CELSR2: variants seen among roughly 807,000 people sequenced by gnomAD.
CELSR2 encodes the protein cadherin EGF LAG seven-pass G-type receptor 2, also known as EGF-like protein 2.
Under a neutral mutation model 251.6 loss-of-function variants are expected in CELSR2, and 81 were observed. The ratio of observed to expected loss-of-function variants is 0.32; its 90% CI spans 0.27 to 0.39. CELSR2 has a LOEUF of 0.39. Ranked by LOEUF, CELSR2 falls within the 10% of genes least tolerant of loss-of-function variation. The pLI, the probability that CELSR2 is intolerant of heterozygous loss-of-function variation, is 1.00. For missense variants in CELSR2, 3,365 were observed against 3,947.7 expected (o/e 0.85, Z 3.96); for synonymous variants, 1,721 against 1,670.5 (o/e 1.03, Z -0.74).
At chr1:109,262,465 G>A in intron 6 of CELSR2, 21 bp downstream of exon 6, 1 of 1,610,646 alleles carries the variant, frequency 6.2e-7, no homozygotes, top group South Asian at 1.1e-5. Context: ...GAAAGGGCCA[G>A]GGATGGGGTG....
rs376445359 is a variant in CELSR2, at chr1:109,263,261, G to A, written c.4828G>A (p.Ala1610Thr). The part of the protein sequence containing the change: ...CPLGFGGKSC[A>T]QEMANPQHFL... ...CCTGGGCTTTGGGGGCAAGAGCTGC[G>A]CCCAGGGTAGGAGGGGCGGCTGTTA... The change falls in exon 8 of 34, where the codon GCC (alanine) becomes ACC (threonine). Residue 1610 changes from alanine to threonine, a missense_variant. Around this residue, in one of 5 missense-constraint regions of CELSR2, gnomAD observed 2,093 missense variants for 2,382.8 expected, o/e 0.88. Coordinates refer to ENST00000271332, the MANE Select transcript of CELSR2 (RefSeq NM_001408.3). 3.6e-5 allele frequency: 57 copies of A among 1,579,024 alleles called. No individual in the cohort carries two copies. The Admixed American group carries it at 4.7e-4, about 13-fold the overall frequency.
chr1:109,268,776 G>A lies in CELSR2; in HGVS notation c.6502+12G>A, dbSNP rs1486405200. The A allele has an allele frequency of 6.3e-7, 1 of 1,591,620 alleles. No homozygotes were observed. The highest frequency in any genetic ancestry group is 1.3e-5 in the African/African-American group (1 of 74,724). ...CACGCCCAACATTGGTAAGGCTGGT[G>A]CCTGGGTTGGGGAGGGGTTTGTGGA... On this transcript the variant is annotated intron_variant, in intron 18 of 33. Transcript: ENST00000271332.
chr1:109,268,369 A>G (rs1656265327), intron 17 of CELSR2, among the ~76,000 whole-genome samples: 1 of 152,174 alleles, frequency 6.6e-6, no homozygotes. Context: ...GGAAGCTCTT[A>G]TGTAGAGAAT....
At position 109,253,377 on chromosome 1, in the gene CELSR2, G is replaced by T. The variant is rs751348890; in HGVS notation, c.3298G>T (p.Val1100Leu). The change falls in exon 1 of 34, where the codon GTG becomes TTG. Residue 1100 changes from valine (V) to leucine (L), a missense_variant. By Grantham distance (32) the Val-to-Leu change is conservative. Around this residue, in one of 5 missense-constraint regions of CELSR2, gnomAD observed 505 missense variants for 660.0 expected, o/e 0.77. Coordinates refer to ENST00000271332, the MANE Select transcript of CELSR2 (RefSeq NM_001408.3). Reference sequence around the variant, plus strand: ...CCGGCCTCTGGAGGCCATCATGAGCGTGCTGGTGTCAGGTAAGGAAGGGCC... The same window carrying T: ...CCGGCCTCTGGAGGCCATCATGAGCTTGCTGGTGTCAGGTAAGGAAGGGCC... ...NNRPLEAIMS[V>L]LVSDGVHSVT... 1 of 1,612,448 alleles carries T rather than the reference G, an allele frequency of 6.2e-7. No homozygotes were observed. Among genetic ancestry groups the T allele is most frequent in the Admixed American group, 1.7e-5 (1 of 60,020 alleles).
rs1273794127 is a variant in CELSR2, at chr1:109,250,579, T to C, written c.500T>C (p.Leu167Pro). 1 of 1,614,018 alleles carries C rather than the reference T, an allele frequency of 6.2e-7. No homozygotes were observed. Among genetic ancestry groups the C allele is most frequent in the Admixed American group, 1.7e-5 (1 of 60,026 alleles). The change falls in exon 1 of 34, where the codon CTG (leucine) becomes CCG (proline). Residue 167 changes from leucine to proline, a missense_variant. By Grantham distance (98) the Leu-to-Pro change is moderately conservative (BLOSUM62 -3). Around this residue, in one of 5 missense-constraint regions of CELSR2, gnomAD observed 704 missense variants for 784.1 expected, o/e 0.90. Coordinates refer to ENST00000271332, the MANE Select transcript of CELSR2 (RefSeq NM_001408.3). This position sits in a 1 kb window ranked among gnomAD's most constrained non-coding sequence, Gnocchi z 4.4. ...RAGERSPEES[L>P]GGRRKRNVNT... ...GGGGAAAGGTCACCAGAAGAGTCCC[T>C]GGGTGGGCGTCGGAAAAGGAATGTA...
intron 1 of CELSR2, 43 bp downstream of exon 1, chr1:109,253,432 G>T: frequency 1.3e-6 from 2 of 1,574,436 alleles, no homozygotes; most frequent in Non-Finnish European, 1.7e-6. Flanking sequence ...GGTAGCTCGC[G>T]GGGATGGTCT....
chr1:109,258,766 G>C lies in CELSR2; in HGVS notation c.3645G>C (p.Leu1215=), dbSNP rs748635192. 1.3e-6 allele frequency: 2 copies of C among 1,594,660 alleles called. No individual in the cohort carries two copies. Among genetic ancestry groups the C allele is most frequent in the Admixed American group, 3.5e-5 (2 of 57,030 alleles). The part of the protein sequence containing the change: ...LQERLYLNRS[L]LTAISAQRVL... ...AGCGCCTATACCTCAACCGCAGCCTGCTGACGGCCATCTCGGCACAGCGCG... is the reference window on the plus strand; with the variant it reads ...AGCGCCTATACCTCAACCGCAGCCTCCTGACGGCCATCTCGGCACAGCGCG... The change falls in exon 2 of 34, where the codon CTG becomes CTC. Residue 1215 remains leucine (L), a synonymous_variant. Transcript: ENST00000271332.
chr1:109,256,604 T>A (rs1655854359), intron 1 of CELSR2, among the ~76,000 whole-genome samples: 2 of 152,042 alleles, frequency 1.3e-5, no homozygotes, highest in African/African-American at 4.8e-5. Context: ...AGGGTAAGCA[T>A]TTGCTTTTTA....
intron 13 of CELSR2, 84 bp from the exon 14 acceptor site, chr1:109,265,651 C>T (rs1557734087): frequency 6.6e-7 from 1 of 1,519,280 alleles, no homozygotes; most frequent in Non-Finnish European, 8.9e-7. Flanking sequence ...GGACCCTCTC[C>T]ACAGGGGCCA....
At chr1:109,264,801 G>A in intron 11 of CELSR2, 67 bp from the exon 12 acceptor site, 4 of 1,610,898 alleles carry the variant, frequency 2.5e-6, no homozygotes, top group South Asian at 1.1e-5. Flanking sequence ...AACAGATGAA[G>A]GGTTTGATGG....
In CELSR2 at chr1:109,253,199, C is replaced by G; in HGVS notation, c.3120C>G (p.Ser1040Arg). 1.2e-6 allele frequency: 2 copies of G among 1,613,650 alleles called. No individual in the cohort carries two copies. The highest frequency in any genetic ancestry group is 1.7e-6 in the Non-Finnish European group (2 of 1,180,048). ...FNNYVTNRSS[S>R]FPGGAIGRVP... The stretch of plus-strand genomic sequence containing the variant: ...ACTATGTCACCAATCGCTCAAGCAG[C>G]TTCCCTGGGGGTGCCATTGGCCGAG... Residue 1040 changes from serine to arginine, a missense_variant, in exon 1 of 34, where the codon AGC becomes AGG. Ser to Arg is a moderately radical substitution (Grantham distance 110). Transcript: ENST00000271332.
At position 109,268,706 on chromosome 1, in the gene CELSR2, G is replaced by C. The variant is rs749243786; in HGVS notation, c.6444G>C (p.Leu2148=). The C allele has an allele frequency of 1.9e-5, 30 of 1,613,208 alleles. No homozygotes were observed. In the Admixed American group the frequency reaches 2.2e-4, roughly 12 times the overall value. ...ACTATGAGGCCTACGCCAGTGCCCT[G>C]GCCCAGAACATGCGGCACACCTACC... ...LQHYEAYASA[L]AQNMRHTYLS... The change falls in exon 18 of 34, where the codon CTG becomes CTC. Residue 2148 remains leucine (L), a synonymous_variant. Coordinates refer to ENST00000271332, the MANE Select transcript of CELSR2 (RefSeq NM_001408.3).
chr1:109,262,825 C>T lies in CELSR2; in HGVS notation c.4564C>T (p.Pro1522Ser). 6.2e-7 allele frequency: 1 copy of T among 1,613,222 alleles called. No homozygotes were observed. Among genetic ancestry groups the T allele is most frequent in the Non-Finnish European group, 8.5e-7 (1 of 1,179,746 alleles). The stretch of plus-strand genomic sequence containing the variant: ...CCCCAGGTCTCTGGATCTGACGGGG[C>T]CCCTGCTACTAGGCGGGGTGCCTGA... ...GSKKSLDLTGPLLLGGVPDLP... is the reference protein window; with the variant it reads ...GSKKSLDLTGSLLLGGVPDLP... The change falls in exon 7 of 34, where the codon CCC becomes TCC. Residue 1522 changes from proline to serine, a missense_variant. Physicochemically the swap from Pro to Ser is moderately conservative, Grantham distance 74 (BLOSUM62 -1). Coordinates refer to ENST00000271332, the MANE Select transcript of CELSR2 (RefSeq NM_001408.3).
In CELSR2 at chr1:109,268,805, A is replaced by G. The variant is rs557671733; in HGVS notation, c.6502+41A>G. 23 of 1,582,736 alleles carry G rather than the reference A, an allele frequency of 1.5e-5. No individual in the cohort carries two copies. In the East Asian group the frequency reaches 3.2e-4, roughly 22 times the overall value. On this transcript the variant is annotated intron_variant, in intron 18 of 33. Coordinates refer to ENST00000271332, the MANE Select transcript of CELSR2 (RefSeq NM_001408.3). ...GGGTTGGGGAGGGGTTTGTGGAGGG[A>G]GTCCCCGACAAGAGCGGCTGTGCTG...
chr1:109,250,755 A>T lies in CELSR2; in HGVS notation c.676A>T (p.Ser226Cys). The T allele has an allele frequency of 6.2e-7, 1 of 1,614,072 alleles. No homozygotes were observed. The highest frequency in any genetic ancestry group is 1.1e-5 in the South Asian group (1 of 91,084). Residue 226 changes from serine to cysteine, a missense_variant, in exon 1 of 34, where the codon AGC becomes TGC. Around this residue, in one of 5 missense-constraint regions of CELSR2, gnomAD observed 704 missense variants for 784.1 expected, o/e 0.90. Transcript: ENST00000271332. The surrounding 1 kb of genome is among the most constrained non-coding windows in gnomAD (Gnocchi z 4.4). Reference sequence around the variant, plus strand: ...GTACACCATGGATGCCCTCTTTGATAGCCGCTCCAACCAGTTCTTCTCCCT... The same window carrying T: ...GTACACCATGGATGCCCTCTTTGATTGCCGCTCCAACCAGTTCTTCTCCCT... Reference protein sequence around the residue: ...LEYTMDALFDSRSNQFFSLDP... With the variant: ...LEYTMDALFDCRSNQFFSLDP...
chr1:109,264,399 C>T (rs747526746), intron 10 of CELSR2, 34 bp downstream of exon 10: 6 of 1,597,786 alleles, frequency 3.8e-6, no homozygotes, highest in African/African-American at 2.7e-5. Flanking sequence ...CATCCCCTCC[C>T]CCACCACCTG....
rs1006188319 is a variant in CELSR2, at chr1:109,249,847, GCT to G, written c.-231_-230del. Among the ~76,000 whole-genome samples, 1 of 150,228 alleles carries G rather than the reference GCT, an allele frequency of 6.7e-6. No homozygotes were observed. Among genetic ancestry groups the G allele is most frequent in the African/African-American group, 2.4e-5 (1 of 41,250 alleles). On this transcript the variant is annotated 5_prime_UTR_variant, in exon 1 of 34. Transcript: ENST00000271332. ...TGGAGGCGCGGCGGCAGCCCGCGGT[GCT>G]CAGGGTGACCCGGGAGCGGGTCTGG...
Position 109,269,960 on chromosome 1 carries a change from C to A in CELSR2, c.7135C>A (p.Leu2379Met). Reference protein sequence around the residue: ...ENGEILPLKTLTYVALGVTLA... With the variant: ...ENGEILPLKTMTYVALGVTLA... ...TGGGGAGATCCTGCCACTGAAGACA[C>A]TGACATACGTGGCTCTAGGTGTCAC... The change falls in exon 23 of 34, where the codon CTG becomes ATG. Residue 2379 changes from leucine (L) to methionine (M), a missense_variant. Physicochemically the swap from Leu to Met is conservative, Grantham distance 15. Around this residue, in one of 5 missense-constraint regions of CELSR2, gnomAD observed 2,093 missense variants for 2,382.8 expected, o/e 0.88. Coordinates refer to ENST00000271332, the MANE Select transcript of CELSR2 (RefSeq NM_001408.3). The surrounding 1 kb of genome is among the most constrained non-coding windows in gnomAD (Gnocchi z 6.4). The A allele has an allele frequency of 6.2e-7, 1 of 1,614,170 alleles. No homozygotes were observed. The highest frequency in any genetic ancestry group is 8.5e-7 in the Non-Finnish European group (1 of 1,180,024).
intron 11 of CELSR2, 112 bp from the exon 12 acceptor site, chr1:109,264,756 G>C (rs1285475298): frequency 6.3e-7 from 1 of 1,586,798 alleles, no homozygotes; most frequent in African/African-American, 1.3e-5. Context: ...ACACAACAAA[G>C]CCATAGCCAG....
Sources: allele counts gnomAD v4.1 joint callset (sites outside exome capture counted in the v4.1 genomes callset), GRCh38; gene constraint gnomAD v4.1.1; regional missense constraint gnomAD v4.1.1; non-coding constraint Gnocchi (gnomAD v3.1); transcripts MANE v1.5; gene names NCBI Gene and HGNC (gene_info 2026-07-23, HGNC 2026-07-21).